CHRM3: variants seen among roughly 807,000 people sequenced by gnomAD.
The protein encoded by CHRM3 is muscarinic acetylcholine receptor M3.
Under a neutral mutation model 41.8 loss-of-function variants are expected in CHRM3, and 11 were observed. The observed-to-expected ratio is 0.26, with a 90% confidence interval of 0.17 to 0.44. The LOEUF (loss-of-function observed/expected upper bound fraction) is 0.44, where lower values mean the gene tolerates loss of function less well. Among genes scored for constraint, CHRM3 ranks in the 20% least tolerant of loss-of-function variants. The probability of loss-of-function intolerance (pLI) is 1.00; values close to 1 mark genes in which losing one functional copy is unlikely to be tolerated. For synonymous variants in CHRM3, 297 were observed against 301.4 expected (o/e 0.99, Z 0.15); for missense variants, 571 against 745.4 (o/e 0.77, Z 2.72).
intron 5 of CHRM3, among the ~76,000 whole-genome samples, chr1:239,758,841 T>C (rs1428381917): frequency 6.6e-6 from 1 of 152,174 alleles, no homozygotes; most frequent in Admixed American, 6.5e-5. Context: ...GTTGGTCTCA[T>C]AGATATTCAT....
Position 239,897,834 on chromosome 1 carries a change from T to C in CHRM3, c.-19-9599T>C, listed in dbSNP as rs369389726. 4.5e-4 allele frequency among the ~76,000 whole-genome samples: 68 copies of C among 152,334 alleles called. 2 individuals carry two copies. The South Asian group carries it at 8.7e-3, about 19-fold the overall frequency. On this transcript the variant is annotated intron_variant, in intron 6 of 6. Transcript: ENST00000676153. ...ATCAGTCGAATCTAGGTTTTTGTTT[T>C]TGAGGAAAAACTGTTATTTCAGCAG...
intron 1 of CHRM3, among the ~76,000 whole-genome samples, chr1:239,433,785 T>C (rs773639910): frequency 6.6e-6 from 1 of 152,210 alleles, no homozygotes; most frequent in Non-Finnish European, 1.5e-5. Context: ...CGAATGCCGT[T>C]AATTTGTTCC....
At chr1:239,756,552 A>G (rs984629830) in intron 5 of CHRM3, among the ~76,000 whole-genome samples, 4 of 152,204 alleles carry the variant, frequency 2.6e-5, no homozygotes, top group Non-Finnish European at 5.9e-5. Flanking sequence ...CTGGACCACT[A>G]TAATTCTAAT....
intron 6 of CHRM3, among the ~76,000 whole-genome samples, chr1:239,872,195 G>A (rs967411360): frequency 1.3e-5 from 2 of 152,172 alleles, no homozygotes; most frequent in African/African-American, 4.8e-5. Flanking sequence ...AGATGGCAGT[G>A]TGGTGTGAGC....
chr1:239,592,418 A>G (rs978862983), intron 3 of CHRM3, among the ~76,000 whole-genome samples: 7 of 152,154 alleles, frequency 4.6e-5, no homozygotes, highest in Non-Finnish European at 1.0e-4. Flanking sequence ...AAGAAAACAC[A>G]TGCCTGTTAA....
intron 6 of CHRM3, among the ~76,000 whole-genome samples, chr1:239,864,377 C>G (rs1226942019): frequency 6.6e-6 from 1 of 152,036 alleles, no homozygotes; most frequent in Non-Finnish European, 1.5e-5. Flanking sequence ...CGTGGTGGCA[C>G]ACGCCTGTAA....
At chr1:239,474,630 T>C (rs1367659488) in intron 1 of CHRM3, among the ~76,000 whole-genome samples, 3 of 152,004 alleles carry the variant, frequency 2.0e-5, no homozygotes, top group Non-Finnish European at 4.4e-5. Flanking sequence ...AATCAAAAAA[T>C]TAAGACAGCT....
At chr1:239,854,910 TG>T (rs975070795) in intron 6 of CHRM3, among the ~76,000 whole-genome samples, 2 of 152,184 alleles carry the variant, frequency 1.3e-5, no homozygotes, top group African/African-American at 4.8e-5. Context: ...AAAATTGCAT[TG>T]CTCAGACTCA....
intron 5 of CHRM3, among the ~76,000 whole-genome samples, chr1:239,790,108 G>A (rs1669223226): frequency 6.6e-6 from 1 of 152,204 alleles, no homozygotes; most frequent in Admixed American, 6.5e-5. Context: ...GATCTAGGAA[G>A]TAACTAACTT....
chr1:239,633,157 G>A (rs1325178856), intron 4 of CHRM3, among the ~76,000 whole-genome samples: 1 of 152,162 alleles, frequency 6.6e-6, no homozygotes, highest in South Asian at 2.1e-4. Flanking sequence ...ATTTTCAGTA[G>A]AGATGGGGTT....
intron 5 of CHRM3, among the ~76,000 whole-genome samples, chr1:239,729,275 T>G (rs1185975841): frequency 6.6e-6 from 1 of 151,900 alleles, no homozygotes; most frequent in Non-Finnish European, 1.5e-5. Flanking sequence ...ATATTCTGTG[T>G]GCACAGTGTG....
At chr1:239,599,107 G>A (rs148842301) in intron 3 of CHRM3, among the ~76,000 whole-genome samples, 174 of 152,202 alleles carry the variant, frequency 1.1e-3, no homozygotes, top group Non-Finnish European at 2.0e-3. Flanking sequence ...ACTAGGAAAC[G>A]TAAGAGGATA....
chr1:239,551,144 CTTTTTTTTTTTTTT>C lies in CHRM3; in HGVS notation c.-313+5409_-313+5422del, dbSNP rs1157407521. Among the ~76,000 whole-genome samples the C allele has an allele frequency of 1.7e-4, 10 of 60,358 alleles. No homozygotes were observed. In the East Asian group the frequency reaches 2.9e-3, roughly 17 times the overall value. 39.6% of individuals were successfully genotyped at this position (60,358 alleles called of 152,430 possible). Reference sequence around the variant, plus strand: ...GAAAATGCATATAAGTGTTACCATTCTTTTTTTTTTTTTTTTTTTTTTTTTTTGAGAGAGGGAGT... The same window carrying C: ...GAAAATGCATATAAGTGTTACCATTCTTTTTTTTTTTTTGAGAGAGGGAGT... On this transcript the variant is annotated intron_variant, in intron 3 of 6. Transcript: ENST00000676153.
intron 2 of CHRM3, among the ~76,000 whole-genome samples, chr1:239,536,596 A>G (rs553997816): frequency 6.6e-6 from 1 of 152,332 alleles, no homozygotes; most frequent in South Asian, 2.1e-4. Context: ...TGAGTCACAA[A>G]TCATTTCCCT....
chr1:239,501,834 G>A (rs1355743532), intron 2 of CHRM3, among the ~76,000 whole-genome samples: 4 of 151,992 alleles, frequency 2.6e-5, no homozygotes, highest in South Asian at 2.1e-4. Flanking sequence ...CAGCCTGGGC[G>A]ACAGAGCAAG....
chr1:239,593,996 T>C (rs1352472283), intron 3 of CHRM3, among the ~76,000 whole-genome samples: 2 of 152,210 alleles, frequency 1.3e-5, no homozygotes, highest in Admixed American at 6.5e-5. Context: ...TTAATAATTA[T>C]CATCAAGCAT....
intron 5 of CHRM3, among the ~76,000 whole-genome samples, chr1:239,792,694 A>G (rs1163774332): frequency 6.6e-6 from 1 of 152,216 alleles, no homozygotes; most frequent in Non-Finnish European, 1.5e-5. Context: ...ACTTGAATGA[A>G]TTTTTAAATT....
chr1:239,859,822 TATATATATA>T (rs1558186179), intron 6 of CHRM3, among the ~76,000 whole-genome samples: 6 of 32,658 alleles, frequency 1.8e-4, no homozygotes, highest in East Asian at 1.5e-3. Context: ...AAGTGTTTTA[TATATATATA>T]TATATATATA....
intron 5 of CHRM3, among the ~76,000 whole-genome samples, chr1:239,791,822 A>G (rs899899116): frequency 1.3e-5 from 2 of 152,206 alleles, no homozygotes; most frequent in African/African-American, 4.8e-5. Flanking sequence ...TTGAAAGTCT[A>G]TGGATTCAGC....
Sources: gnomAD v4.1 joint callset for allele counts (sites outside exome capture counted in the v4.1 genomes callset) on GRCh38, gnomAD v4.1.1 for gene constraint, MANE v1.5 for transcripts, NCBI Gene and HGNC (gene_info 2026-07-23, HGNC 2026-07-21) for gene names.